The following GRIN2A variants were observed in gnomAD, a reference collection of about 807,000 sequenced individuals.
GRIN2A encodes glutamate receptor ionotropic, NMDA 2A.
Under a neutral mutation model 113.4 loss-of-function variants are expected in GRIN2A, and 22 were observed. The ratio of observed to expected loss-of-function variants is 0.19; its 90% CI spans 0.14 to 0.28. The LOEUF is 0.28. GRIN2A is among the 10% of genes least tolerant of loss of function. The pLI, the probability that GRIN2A is intolerant of heterozygous loss-of-function variation, is 1.00. For synonymous variants in GRIN2A, 827 were observed against 738.4 expected, an observed-to-expected ratio of 1.12 and a Z score of -1.94; for missense variants, 1,502 against 1,887.0, an observed-to-expected ratio of 0.80 and a Z score of 3.78.
chr16:10,164,958 T>C (rs1272388837), intron 2 of GRIN2A, among the ~76,000 whole-genome samples: 3 of 152,208 alleles, frequency 2.0e-5, no homozygotes, highest in Non-Finnish European at 2.9e-5. Flanking sequence ...CTTTAAGACA[T>C]AGTTATTAGA....
intron 4 of GRIN2A, among the ~76,000 whole-genome samples, chr16:9,864,658 C>T (rs2043130937): frequency 6.6e-6 from 1 of 152,254 alleles, no homozygotes. Flanking sequence ...CCTGAACATT[C>T]AAAGTTAACC....
At chr16:9,986,379 A>T (rs1257307300) in intron 2 of GRIN2A, among the ~76,000 whole-genome samples, 2 of 152,230 alleles carry the variant, frequency 1.3e-5, no homozygotes, top group African/African-American at 4.8e-5. Context: ...AAAGAGTTAC[A>T]GTTGTGGTGA....
At chr16:9,937,008 A>G (rs893716420) in intron 3 of GRIN2A, among the ~76,000 whole-genome samples, 5 of 152,202 alleles carry the variant, frequency 3.3e-5, no homozygotes, top group African/African-American at 9.7e-5. Flanking sequence ...CCTAGAAAAA[A>G]CACTTGCACA....
At chr16:10,014,811 GAGTTAAGC>G (rs1339544703) in intron 2 of GRIN2A, among the ~76,000 whole-genome samples, 1 of 152,162 alleles carries the variant, frequency 6.6e-6, no homozygotes, top group Non-Finnish European at 1.5e-5. Flanking sequence ...CTTATGCAGT[GAGTTAAGC>G]AATATGGACT....
chr16:10,051,189 G>T (rs1051074616), intron 2 of GRIN2A, among the ~76,000 whole-genome samples: 1 of 152,146 alleles, frequency 6.6e-6, no homozygotes, highest in Non-Finnish European at 1.5e-5. Context: ...CTGGGATTTT[G>T]GTGCTATAAG....
chr16:9,799,514 G>A (rs576965685), intron 10 of GRIN2A, among the ~76,000 whole-genome samples: 1 of 152,294 alleles, frequency 6.6e-6, no homozygotes, highest in Non-Finnish European at 1.5e-5. Flanking sequence ...GCATTCCTTT[G>A]TTATGGCTGC....
intron 2 of GRIN2A, among the ~76,000 whole-genome samples, chr16:10,065,330 C>A (rs142892759): frequency 6.6e-6 from 1 of 152,182 alleles, no homozygotes; most frequent in Non-Finnish European, 1.5e-5. Flanking sequence ...ACCTGCAACC[C>A]AGAGCATCTA....
chr16:9,838,936 T>C (rs771729328), intron 7 of GRIN2A, among the ~76,000 whole-genome samples: 7 of 152,252 alleles, frequency 4.6e-5, no homozygotes, highest in Admixed American at 6.5e-5. Context: ...AGATGAGTGA[T>C]GGAAAATTAC....
At chr16:9,849,110 C>G (rs1160104825) in intron 5 of GRIN2A, among the ~76,000 whole-genome samples, 1 of 92,698 alleles carries the variant, frequency 1.1e-5, no homozygotes, top group African/African-American at 4.0e-5. Context: ...ATAAAATATA[C>G]TGTTTTATAT....
intron 10 of GRIN2A, among the ~76,000 whole-genome samples, chr16:9,804,699 C>T (rs2041931222): frequency 6.6e-6 from 1 of 152,072 alleles, no homozygotes; most frequent in African/African-American, 2.4e-5. Context: ...CCAAAGACAC[C>T]TTGGCTTCAC....
chr16:10,072,980 C>G (rs993606413), intron 2 of GRIN2A, among the ~76,000 whole-genome samples: 4 of 119,322 alleles, frequency 3.4e-5, no homozygotes, highest in African/African-American at 1.3e-4. Context: ...GACAGAGTCT[C>G]TTTTCGTTGC....
At chr16:10,166,962 T>C (rs1157651218) in intron 2 of GRIN2A, among the ~76,000 whole-genome samples, 1 of 152,206 alleles carries the variant, frequency 6.6e-6, no homozygotes, top group Non-Finnish European at 1.5e-5. Context: ...TACTATATAA[T>C]ACATATAGCA....
At position 9,763,459 on chromosome 16, in the gene GRIN2A, G is replaced by A. The variant is rs1465067482; in HGVS notation, c.4085C>T (p.Thr1362Ile). 6.2e-7 allele frequency: 1 copy of A among 1,614,046 alleles called. No homozygotes were observed. The highest frequency in any genetic ancestry group is 8.5e-7 in the Non-Finnish European group (1 of 1,179,934). Residue 1362 changes from threonine to isoleucine, a missense_variant, in exon 13 of 13, where the codon ACC (threonine) becomes ATC (isoleucine). This residue lies in a region of GRIN2A where 832 missense variants were observed against 789.7 expected (regional missense o/e 1.05). Coordinates refer to ENST00000330684, the MANE Select transcript of GRIN2A (RefSeq NM_001134407.3). The part of the protein sequence containing the change: ...KRSKSLLPDH[T>I]SDNPFLHSHR... ...GGAGTGGAGGAAAGGGTTATCGGAGGTGTGGTCTGGCAAGAGAGACTTGCT... is the reference window on the plus strand; with the variant it reads ...GGAGTGGAGGAAAGGGTTATCGGAGATGTGGTCTGGCAAGAGAGACTTGCT...
intron 4 of GRIN2A, among the ~76,000 whole-genome samples, chr16:9,873,246 T>G (rs756188901): frequency 1.6e-4 from 25 of 152,138 alleles, no homozygotes; most frequent in Non-Finnish European, 3.2e-4. Context: ...ATGGATACAA[T>G]GTATGTTATT....
chr16:9,980,863 A>G (rs1273104470), intron 2 of GRIN2A, among the ~76,000 whole-genome samples: 109 of 150,444 alleles, frequency 7.2e-4, no homozygotes, highest in Middle Eastern at 6.8e-3. Flanking sequence ...GGGGAGGGAC[A>G]GCATTAGGAG....
At chr16:9,982,018 C>T (rs1417327230) in intron 2 of GRIN2A, among the ~76,000 whole-genome samples, 2 of 152,134 alleles carry the variant, frequency 1.3e-5, no homozygotes, top group African/African-American at 2.4e-5. Flanking sequence ...GAACTCCTGG[C>T]CTCAAGTGAT....
intron 2 of GRIN2A, among the ~76,000 whole-genome samples, chr16:10,073,747 TCC>T (rs202179514): frequency 0.1 from 14,442 of 142,642 alleles, 766 homozygotes; most frequent in African/African-American, 0.13. Flanking sequence ...CTACTAAAAA[TCC>T]AGAAAAAAAA....
At chr16:10,131,471 A>ATTT (rs34673023) in intron 2 of GRIN2A, among the ~76,000 whole-genome samples, 3 of 144,308 alleles carry the variant, frequency 2.1e-5, no homozygotes, top group Non-Finnish European at 3.0e-5. Flanking sequence ...CACTTATCCC[A>ATTT]TTTTTTTTTT....
At chr16:9,802,584 G>A (rs1157128870) in intron 10 of GRIN2A, among the ~76,000 whole-genome samples, 2 of 152,120 alleles carry the variant, frequency 1.3e-5, no homozygotes, top group African/African-American at 2.4e-5. Context: ...CAACTGTCCA[G>A]TAGCAAGATA....
Sources: gnomAD v4.1 joint callset for allele counts (sites outside exome capture counted in the v4.1 genomes callset) on GRCh38, gnomAD v4.1.1 for gene constraint, gnomAD v4.1.1 regional missense constraint, MANE v1.5 for transcripts, NCBI Gene and HGNC (gene_info 2026-07-23, HGNC 2026-07-21) for gene names.